Variants in UNC13C observed in about 807,000 individuals in gnomAD.
UNC13C encodes the protein protein unc-13 homolog C.
UNC13C carries 174 observed loss-of-function variants against 245.4 expected under a neutral mutation model. The ratio of observed to expected loss-of-function variants is 0.71; its 90% CI spans 0.63 to 0.80. The LOEUF (loss-of-function observed/expected upper bound fraction) is 0.80, where lower values mean the gene tolerates loss of function less well. UNC13C is among the 30% of genes least tolerant of loss of function. The probability of loss-of-function intolerance (pLI) is 0.00; values close to 1 mark genes in which losing one functional copy is unlikely to be tolerated. For missense variants in UNC13C, 2,829 were observed against 2,602.9 expected (o/e 1.09, Z -1.89); for synonymous variants, 992 against 895.1 (o/e 1.11, Z -1.93).
intron 10 of UNC13C, among the ~76,000 whole-genome samples, chr15:54,277,058 G>A (rs2036851802): frequency 6.6e-6 from 1 of 151,876 alleles, no homozygotes; most frequent in African/African-American, 2.4e-5. Flanking sequence ...TTTCTCCTTT[G>A]TTTTCAATGA....
intron 2 of UNC13C, among the ~76,000 whole-genome samples, chr15:54,102,779 G>A (rs1212391064): frequency 6.6e-6 from 1 of 152,196 alleles, no homozygotes; most frequent in Non-Finnish European, 1.5e-5. Context: ...CTCAGAAGAT[G>A]CACCCCAGGG....
intron 18 of UNC13C, among the ~76,000 whole-genome samples, chr15:54,414,701 C>G (rs1430666881): frequency 6.6e-6 from 1 of 151,958 alleles, no homozygotes. Flanking sequence ...TCTTGAGACA[C>G]AAACACTCAT....
intron 1 of UNC13C, among the ~76,000 whole-genome samples, chr15:54,005,030 A>G (rs1319831316): frequency 6.6e-6 from 1 of 151,812 alleles, no homozygotes; most frequent in Admixed American, 6.6e-5. Context: ...CCATTTCTCC[A>G]TGTTTGCTCT....
chr15:54,555,809 AC>A (rs1385568150), intron 29 of UNC13C, among the ~76,000 whole-genome samples: 1 of 152,074 alleles, frequency 6.6e-6, no homozygotes, highest in Non-Finnish European at 1.5e-5. Flanking sequence ...CATAAGTGAA[AC>A]CTATGTTTTA....
At chr15:54,301,776 T>A (rs778725761) in intron 13 of UNC13C, among the ~76,000 whole-genome samples, 3 of 152,204 alleles carry the variant, frequency 2.0e-5, no homozygotes, top group Non-Finnish European at 2.9e-5. Flanking sequence ...TATAGTAGAA[T>A]GATTTATAAT....
rs76234890 is a variant in UNC13C, at chr15:54,395,078, A to G, written c.4847+1897A>G. Among the ~76,000 whole-genome samples the G allele has an allele frequency of 4.2e-3, 645 of 151,926 alleles. 28 individuals carry two copies. In the East Asian group the frequency reaches 0.091, roughly 21 times the overall value. ...GGAAACCTGTCCCTGAAAAAACCAA[A>G]TGCCTTCCTCTATTTGGAATCCATT... is the stretch of plus-strand genomic sequence containing the variant. On this transcript the variant is annotated intron_variant, in intron 18 of 32. Transcript: ENST00000260323.
chr15:53,878,885 C>A, the UNC13C span, among the ~76,000 whole-genome samples: 1 of 152,074 alleles, frequency 6.6e-6, no homozygotes, highest in Non-Finnish European at 1.5e-5. Flanking sequence ...AGATAGAAGC[C>A]ATTTGATATC....
intron 2 of UNC13C, among the ~76,000 whole-genome samples, chr15:54,084,016 G>A (rs1251918156): frequency 6.6e-6 from 1 of 152,190 alleles, no homozygotes; most frequent in African/African-American, 2.4e-5. Context: ...GTGAGTGCAG[G>A]GGGTCTTCCC....
At position 54,205,879 on chromosome 15, in the gene UNC13C, A is replaced by G. The variant is rs143748948; in HGVS notation, c.3072-29151A>G. Among the ~76,000 whole-genome samples the G allele has an allele frequency of 2.6e-5, 4 of 152,186 alleles. No individual in the cohort carries two copies. The East Asian group carries it at 7.7e-4, about 29-fold the overall frequency. On this transcript the variant is annotated intron_variant, in intron 4 of 32. Coordinates refer to ENST00000260323, the MANE Select transcript of UNC13C (RefSeq NM_001080534.3). ...CTGTGAGTTAATAAGGAAGTAATCC[A>G]GTCAGCTGAAATTACAGCTGGGCTT...
chr15:54,114,565 A>G (rs1266262507), intron 2 of UNC13C, among the ~76,000 whole-genome samples: 6 of 152,190 alleles, frequency 3.9e-5, no homozygotes, highest in African/African-American at 1.2e-4. Context: ...TCTACTATAT[A>G]AACATAGCAA....
intron 19 of UNC13C, among the ~76,000 whole-genome samples, chr15:54,419,451 G>A (rs2040591684): frequency 6.6e-6 from 1 of 152,054 alleles, no homozygotes; most frequent in Non-Finnish European, 1.5e-5. Flanking sequence ...TTTTAAATCT[G>A]TCTTTCTATT....
intron 2 of UNC13C, among the ~76,000 whole-genome samples, chr15:54,022,360 A>T (rs1407274514): frequency 6.6e-6 from 1 of 151,692 alleles, no homozygotes; most frequent in Admixed American, 6.6e-5. Flanking sequence ...CCCAGGCTGG[A>T]GTACCTTGAC....
intron 6 of UNC13C, among the ~76,000 whole-genome samples, chr15:54,236,808 G>A (rs1363269243): frequency 6.6e-6 from 1 of 152,200 alleles, no homozygotes; most frequent in Non-Finnish European, 1.5e-5. Context: ...TTGTAATGCT[G>A]AGGAGATATG....
In UNC13C at chr15:54,237,605, T is replaced by C. The variant is rs766854523; in HGVS notation, c.3157-14T>C. On this transcript the variant is annotated splice_polypyrimidine_tract_variant and intron_variant, in intron 6 of 32. Transcript: ENST00000260323. ...TCCCTATGTATTAATAAGTCATAAT[T>C]CTGTTTGTTTTAGACCCTGGCTGCC... 1 of 1,606,202 alleles carries C rather than the reference T, an allele frequency of 6.2e-7. No homozygotes were observed. Among genetic ancestry groups the C allele is most frequent in the Admixed American group, 1.7e-5 (1 of 59,356 alleles).
chr15:54,306,722 A>G (rs765959215), intron 13 of UNC13C, among the ~76,000 whole-genome samples: 3 of 152,014 alleles, frequency 2.0e-5, no homozygotes, highest in Non-Finnish European at 4.4e-5. Flanking sequence ...AGATTCTATT[A>G]GGCTATGGTT....
chr15:53,958,980 C>G, the UNC13C span, among the ~76,000 whole-genome samples: 1 of 152,154 alleles, frequency 6.6e-6, no homozygotes, highest in Non-Finnish European at 1.5e-5. Flanking sequence ...TTGGTAACCA[C>G]CATTCTTCCT....
chr15:54,183,461 A>C (rs2033866459), intron 4 of UNC13C, among the ~76,000 whole-genome samples: 1 of 151,778 alleles, frequency 6.6e-6, no homozygotes, highest in African/African-American at 2.4e-5. Flanking sequence ...TTTTTCAAAA[A>C]CTTTCATATA....
At chr15:54,006,328 C>G (rs983701265) in intron 1 of UNC13C, among the ~76,000 whole-genome samples, 1 of 152,124 alleles carries the variant, frequency 6.6e-6, no homozygotes, top group Non-Finnish European at 1.5e-5. Context: ...AAAGAGTATG[C>G]TTGAGTCATT....
intron 4 of UNC13C, among the ~76,000 whole-genome samples, chr15:54,178,918 T>C (rs2033705403): frequency 6.6e-6 from 1 of 152,102 alleles, no homozygotes; most frequent in South Asian, 2.1e-4. Flanking sequence ...TCATGATATC[T>C]ACCAAATTTG....
Sources: gnomAD v4.1 joint callset for allele counts (sites outside exome capture counted in the v4.1 genomes callset) on GRCh38, gnomAD v4.1.1 for gene constraint, MANE v1.5 for transcripts, NCBI Gene and HGNC (gene_info 2026-07-23, HGNC 2026-07-21) for gene names.